TDRD7: variants seen among roughly 807,000 people sequenced by gnomAD.
TDRD7 encodes the protein tudor domain containing 7.
TDRD7 carries 47 observed loss-of-function variants against 109.8 expected under a neutral mutation model. That is an observed-to-expected ratio of 0.43 (90% CI 0.34 to 0.55). The LOEUF (loss-of-function observed/expected upper bound fraction) is 0.55, where lower values mean the gene tolerates loss of function less well. TDRD7 is among the 20% of genes least tolerant of loss of function. The pLI is 0.03. For synonymous variants in TDRD7, 424 were observed against 457.3 expected, an observed-to-expected ratio of 0.93 and a Z score of 0.93; for missense variants, 1,164 against 1,319.2, an observed-to-expected ratio of 0.88 and a Z score of 1.82.
chr9:97,486,488 C>A (rs957051882), intron 15 of TDRD7, among the ~76,000 whole-genome samples: 4 of 152,028 alleles, frequency 2.6e-5, no homozygotes, highest in African/African-American at 9.7e-5. Flanking sequence ...TTTCCAGGTT[C>A]TTTATTTTAG....
At chr9:97,492,565 A>C (rs1008908101) in intron 16 of TDRD7, among the ~76,000 whole-genome samples, 1 of 152,230 alleles carries the variant, frequency 6.6e-6, no homozygotes, top group African/African-American at 2.4e-5. Context: ...ATGTGACTGA[A>C]CTAATATGTG....
At position 97,491,002 on chromosome 9, in the gene TDRD7, G is replaced by A. The variant is rs1483431989; in HGVS notation, c.3076+3670G>A. Among the ~76,000 whole-genome samples the A allele has an allele frequency of 9.9e-5, 13 of 130,808 alleles. 1 individual carries two copies. In the South Asian group the frequency reaches 1.3e-3, roughly 13 times the overall value. The allele number at this position is 130,808 out of a possible 152,430, so 85.8% of individuals were successfully genotyped here. On this transcript the variant is annotated intron_variant, in intron 16 of 16. Coordinates refer to ENST00000355295, the MANE Select transcript of TDRD7 (RefSeq NM_014290.3). ...ACGATCTCAGCTCACTGCAACCTCC[G>A]CCTCCCAGGTTCAAGCAATTCTTCT...
chr9:97,479,163 C>T (rs994981971), intron 13 of TDRD7, among the ~76,000 whole-genome samples: 1 of 152,204 alleles, frequency 6.6e-6, no homozygotes, highest in African/African-American at 2.4e-5. Flanking sequence ...CGGTATTCTA[C>T]AACTTCAAGA....
At chr9:97,416,961 G>A (rs1827821973) in intron 1 of TDRD7, among the ~76,000 whole-genome samples, 1 of 152,146 alleles carries the variant, frequency 6.6e-6, no homozygotes, top group Admixed American at 6.5e-5. Flanking sequence ...ATATTGGATG[G>A]TGATAAGTGC....
chr9:97,449,898 A>G (rs1828462207), intron 6 of TDRD7, among the ~76,000 whole-genome samples: 1 of 152,160 alleles, frequency 6.6e-6, no homozygotes, highest in Non-Finnish European at 1.5e-5. Flanking sequence ...GACCAAATAT[A>G]TATTTCACGG....
chr9:97,428,659 G>C lies in TDRD7; in HGVS notation c.194G>C (p.Ser65Thr). 1 of 1,613,706 alleles carries C rather than the reference G, an allele frequency of 6.2e-7. No individual in the cohort carries two copies. The highest frequency in any genetic ancestry group is 8.5e-7 in the Non-Finnish European group (1 of 1,179,904). ...SVPAVVRIET[S>T]RSGEITCYAM... ...CCAGCAGTGGTCAGGATAGAGACTA[G>C]TAGATCTGGAGAGGTAAGAAGGTAA... is the stretch of plus-strand genomic sequence containing the variant. Residue 65 changes from serine to threonine, a missense_variant, in exon 2 of 17, where the codon AGT (serine) becomes ACT (threonine). By Grantham distance (58) the Ser-to-Thr change is moderately conservative. Transcript: ENST00000355295.
In TDRD7 at chr9:97,495,949, A is replaced by G. The variant is rs915652848; in HGVS notation, c.*66A>G. 23 of 1,326,248 alleles carry G rather than the reference A, an allele frequency of 1.7e-5. No individual in the cohort carries two copies. The highest frequency in any genetic ancestry group is 2.4e-5 in the Non-Finnish European group (22 of 922,058). The allele number at this position is 1,326,248 out of a possible 1,614,324, so 82.2% of individuals were successfully genotyped here. A position where few individuals can be genotyped will look rare whatever the true frequency, so the allele number is the denominator to read the frequency against. ...AGCAATAACAAAATGTAGTAGGCTT[A>G]AAAAAAATCTTAACTCTGCTACATG... On this transcript the variant is annotated 3_prime_UTR_variant, in exon 17 of 17. Transcript: ENST00000355295.
At chr9:97,415,826 C>A (rs1316418529) in intron 1 of TDRD7, among the ~76,000 whole-genome samples, 1 of 152,096 alleles carries the variant, frequency 6.6e-6, no homozygotes, top group Non-Finnish European at 1.5e-5. Flanking sequence ...AGATATTAAA[C>A]TTTATTTTTA....
At chr9:97,462,126 T>C (rs187756021) in intron 7 of TDRD7, among the ~76,000 whole-genome samples, 10 of 152,300 alleles carry the variant, frequency 6.6e-5, no homozygotes, top group Admixed American at 3.3e-4. Context: ...AGGAAAGATA[T>C]TGAAGGCCAC....
intron 1 of TDRD7, among the ~76,000 whole-genome samples, chr9:97,420,740 A>ACC (rs934137906): frequency 2.0e-5 from 3 of 152,168 alleles, no homozygotes; most frequent in African/African-American, 7.2e-5. Context: ...TGTTATATAC[A>ACC]CACACACGTT....
rs1413307467 is a variant in TDRD7 at position 97,470,638 on chromosome 9, C to G, written c.1710C>G (p.Leu570=). The change falls in exon 9 of 17, where the codon CTC becomes CTG. Residue 570 remains leucine (L), a synonymous_variant. Transcript: ENST00000355295. The part of the protein sequence containing the change: ...AYKLNPKFCS[L]SFQATKCKLA... The stretch of plus-strand genomic sequence containing the variant: ...AATTAAACCCGAAGTTTTGTTCACT[C>G]TCATTTCAAGCTACAAAATGTAAGC... 3.1e-6 allele frequency: 5 copies of G among 1,613,890 alleles called. No individual in the cohort carries two copies. Among genetic ancestry groups the G allele is most frequent in the Admixed American group, 3.3e-5 (2 of 59,994 alleles).
At chr9:97,458,067 T>G (rs1008330480) in intron 6 of TDRD7, among the ~76,000 whole-genome samples, 2 of 152,190 alleles carry the variant, frequency 1.3e-5, no homozygotes, top group Non-Finnish European at 2.9e-5. Flanking sequence ...CTATGGCACA[T>G]GTATACCTAT....
At chr9:97,443,355 G>C (rs1160232150) in intron 6 of TDRD7, among the ~76,000 whole-genome samples, 3 of 152,160 alleles carry the variant, frequency 2.0e-5, no homozygotes, top group African/African-American at 7.2e-5. Flanking sequence ...GGGAAAATAA[G>C]GAATGTTAAA....
At chr9:97,449,165 A>G (rs971789592) in intron 6 of TDRD7, among the ~76,000 whole-genome samples, 4 of 152,146 alleles carry the variant, frequency 2.6e-5, no homozygotes, top group Admixed American at 1.3e-4. Flanking sequence ...AAAAATACTC[A>G]AACTATGTTT....
chr9:97,432,328 A>T, intron 4 of TDRD7, 90 bp downstream of exon 4: 2 of 1,173,730 alleles, frequency 1.7e-6, no homozygotes, highest in Non-Finnish European at 2.5e-6. Context: ...AACACTTTCT[A>T]TTTTATCTAA....
chr9:97,477,036 A>G (rs1337470803), intron 12 of TDRD7, among the ~76,000 whole-genome samples: 3 of 152,218 alleles, frequency 2.0e-5, no homozygotes, highest in Non-Finnish European at 4.4e-5. Flanking sequence ...GACTCGTTGA[A>G]AAGGTCATGG....
At chr9:97,464,702 T>TCTC in intron 7 of TDRD7, 140 bp from the exon 8 acceptor site, 2 of 825,880 alleles carry the variant, frequency 2.4e-6, no homozygotes, top group Non-Finnish European at 4.1e-6. Flanking sequence ...GAATACACGT[T>TCTC]CTCCTCCCTG....
intron 8 of TDRD7, among the ~76,000 whole-genome samples, chr9:97,466,932 A>G (rs1435138859): frequency 2.0e-5 from 3 of 152,210 alleles, no homozygotes; most frequent in Non-Finnish European, 2.9e-5. Flanking sequence ...GGTATCTTTT[A>G]TTCAGTGTAA....
Position 97,482,824 on chromosome 9 carries a change from A to G in TDRD7, c.2413-25A>G, listed in dbSNP as rs1402152629. The G allele has an allele frequency of 2.5e-6, 4 of 1,611,984 alleles. No homozygotes were observed. The South Asian group carries it at 4.4e-5, about 18-fold the overall frequency. On this transcript the variant is annotated intron_variant, in intron 14 of 16. Transcript: ENST00000355295. ...AATTTAATGTGAACTTGTATTTCTT[A>G]TATCATTTTTTGTGTTTTCCAAAGG...
Sources: gnomAD v4.1 joint callset for allele counts (sites outside exome capture counted in the v4.1 genomes callset) on GRCh38, gnomAD v4.1.1 for gene constraint, MANE v1.5 for transcripts, NCBI Gene and HGNC (gene_info 2026-07-23, HGNC 2026-07-21) for gene names.